Variants in SEZ6L observed in about 807,000 individuals in gnomAD.
SEZ6L encodes seizure related 6 homolog like.
Under a neutral mutation model 106.2 loss-of-function variants are expected in SEZ6L, and 37 were observed. The ratio of observed to expected loss-of-function variants is 0.35; its 90% confidence interval spans 0.27 to 0.46. SEZ6L has a LOEUF of 0.46. SEZ6L is among the 20% of genes least tolerant of loss of function. The pLI is 1.00. For synonymous variants in SEZ6L, 541 were observed against 570.4 expected, an observed-to-expected ratio of 0.95 and a Z score of 0.73; for missense variants, 1,172 against 1,332.8, an observed-to-expected ratio of 0.88 and a Z score of 1.88.
chr22:26,310,946 A>G, intron 7 of SEZ6L, 110 bp downstream of exon 7: 1 of 1,079,234 alleles, frequency 9.3e-7, no homozygotes, highest in African/African-American at 1.6e-5. Context: ...GGGAAATCCC[A>G]TGGCCATGTG....
intron 1 of SEZ6L, among the ~76,000 whole-genome samples, chr22:26,267,987 A>ATTC (rs2080243471): frequency 1.3e-5 from 2 of 152,206 alleles, no homozygotes; most frequent in Non-Finnish European, 2.9e-5. Context: ...GTGGGGAAGA[A>ATTC]ACTGAATTCA....
At chr22:26,294,483 G>A in intron 3 of SEZ6L, 58 bp downstream of exon 3, 1 of 1,562,448 alleles carries the variant, frequency 6.4e-7, no homozygotes, top group South Asian at 1.1e-5. Flanking sequence ...GTCTCAGGAG[G>A]ATTGTCTGAG....
At chr22:26,232,871 G>A (rs531552593) in intron 1 of SEZ6L, among the ~76,000 whole-genome samples, 17 of 152,300 alleles carry the variant, frequency 1.1e-4, no homozygotes, top group Admixed American at 2.0e-4. Context: ...GGAGGAACAC[G>A]GGGACGATGT....
At chr22:26,349,355 T>C (rs1370864162) in intron 11 of SEZ6L, among the ~76,000 whole-genome samples, 2 of 152,350 alleles carry the variant, frequency 1.3e-5, no homozygotes, top group South Asian at 4.1e-4. Flanking sequence ...TAAAATTACA[T>C]TGGTAACGAT....
chr22:26,313,053 A>G (rs985014572), intron 8 of SEZ6L, among the ~76,000 whole-genome samples: 1 of 152,232 alleles, frequency 6.6e-6, no homozygotes, highest in Non-Finnish European at 1.5e-5. Flanking sequence ...ACAGAGCGGA[A>G]TTTATTGGTG....
At chr22:26,229,202 G>A (rs1370221111) in intron 1 of SEZ6L, among the ~76,000 whole-genome samples, 1 of 152,074 alleles carries the variant, frequency 6.6e-6, no homozygotes, top group Non-Finnish European at 1.5e-5. Flanking sequence ...TCACCGTGTT[G>A]GCCAGGTTTG....
chr22:26,328,652 G>C (rs955940690), intron 9 of SEZ6L, among the ~76,000 whole-genome samples: 1 of 152,186 alleles, frequency 6.6e-6, no homozygotes, highest in Non-Finnish European at 1.5e-5. Flanking sequence ...CCAGAGATGT[G>C]GAAATGAGAA....
rs370499954 is a variant in SEZ6L, at chr22:26,373,497, C to G, written c.2827+14C>G. ...ATGCTTTAGAAGGTGAGTTCCAGAA[C>G]GAAAAAAAAAAAAGTTCAATAAATC... On this transcript the variant is annotated intron_variant, in intron 14 of 16. Coordinates refer to ENST00000248933, the MANE Select transcript of SEZ6L (RefSeq NM_021115.5). The G allele has an allele frequency of 7.6e-6, 11 of 1,440,264 alleles. No homozygotes were observed. Among genetic ancestry groups the G allele is most frequent in the Admixed American group, 2.5e-5 (1 of 39,404 alleles). 89.2% of individuals were successfully genotyped at this position (1,440,264 alleles called of 1,614,324 possible). A position where few individuals can be genotyped will look rare whatever the true frequency, so the allele number is the denominator to read the frequency against.
At chr22:26,305,925 C>T (rs2081615915) in intron 5 of SEZ6L, 54 bp from the exon 6 acceptor site, 6 of 1,456,354 alleles carry the variant, frequency 4.1e-6, no homozygotes, top group Non-Finnish European at 4.8e-6. Flanking sequence ...TCTCTCTCCT[C>T]TCTCTCTCCC....
intron 1 of SEZ6L, among the ~76,000 whole-genome samples, chr22:26,238,894 G>T (rs540926388): frequency 3.4e-4 from 52 of 152,264 alleles, no homozygotes; most frequent in African/African-American, 1.2e-3. Flanking sequence ...TGTAACTGCT[G>T]GGTTGAAGCT....
intron 11 of SEZ6L, among the ~76,000 whole-genome samples, chr22:26,349,512 T>C (rs888416010): frequency 1.3e-5 from 2 of 152,236 alleles, no homozygotes; most frequent in African/African-American, 4.8e-5. Context: ...ACATCATACA[T>C]ACATTACATG....
rs1941125221 is a variant in SEZ6L at position 26,203,749 on chromosome 22, AC to A, written c.94+33988del. ...GGACACGACCAGGGTCCCACAGTTA[AC>A]CAGGTTTGGAACCCTGGTATGTTTC... On this transcript the variant is annotated intron_variant, in intron 1 of 16. Transcript: ENST00000248933. Among the ~76,000 whole-genome samples the A allele has an allele frequency of 1.3e-5, 2 of 152,130 alleles. 1 individual carries two copies. Among genetic ancestry groups the A allele is most frequent in the South Asian group, 4.1e-4 (2 of 4,826 alleles).
At chr22:26,273,278 A>G (rs2080429190) in intron 1 of SEZ6L, among the ~76,000 whole-genome samples, 1 of 152,254 alleles carries the variant, frequency 6.6e-6, no homozygotes, top group Non-Finnish European at 1.5e-5. Context: ...TGCAGGCATC[A>G]TGCCTGTGAA....
intron 9 of SEZ6L, among the ~76,000 whole-genome samples, chr22:26,332,997 C>T (rs1485959414): frequency 1.3e-5 from 2 of 152,188 alleles, no homozygotes; most frequent in African/African-American, 4.8e-5. Context: ...TGATACTTGG[C>T]GGACAGCACT....
At chr22:26,378,757 A>G (rs2084315093) in intron 16 of SEZ6L, among the ~76,000 whole-genome samples, 1 of 152,206 alleles carries the variant, frequency 6.6e-6, no homozygotes, top group Non-Finnish European at 1.5e-5. Context: ...ATGAGTTTGC[A>G]AAACCACCAT....
At chr22:26,246,513 AT>A (rs2079351507) in intron 1 of SEZ6L, among the ~76,000 whole-genome samples, 1 of 151,738 alleles carries the variant, frequency 6.6e-6, no homozygotes, top group African/African-American at 2.4e-5. Context: ...TGGAAAAGCC[AT>A]TTTTCCCCTC....
At chr22:26,277,326 A>C (rs1402359911) in intron 1 of SEZ6L, among the ~76,000 whole-genome samples, 2 of 152,078 alleles carry the variant, frequency 1.3e-5, no homozygotes, top group African/African-American at 4.8e-5. Flanking sequence ...AGTCCCCCAA[A>C]GGCCCCTAGG....
intron 1 of SEZ6L, among the ~76,000 whole-genome samples, chr22:26,249,085 G>A (rs1006129808): frequency 2.6e-5 from 4 of 152,102 alleles, no homozygotes; most frequent in East Asian, 3.9e-4. Flanking sequence ...GGGCTACAGC[G>A]TGATATTTCA....
At chr22:26,291,461 GA>G (rs1054439025) in intron 1 of SEZ6L, among the ~76,000 whole-genome samples, 7 of 147,770 alleles carry the variant, frequency 4.7e-5, no homozygotes, top group African/African-American at 1.8e-4. Flanking sequence ...TGGGGGAGGG[GA>G]GAGCATTAGG....
Sources: allele counts gnomAD v4.1 joint callset (sites outside exome capture counted in the v4.1 genomes callset), GRCh38; gene constraint gnomAD v4.1.1; transcripts MANE v1.5; gene names NCBI Gene and HGNC (gene_info 2026-07-23, HGNC 2026-07-21).